The following PDZRN4 variants were observed in gnomAD, a reference collection of about 807,000 sequenced individuals.
PDZRN4 encodes PDZ domain containing ring finger 4.
In PDZRN4, 70 loss-of-function variants were observed where a neutral mutation model predicts 99.0. That is an observed-to-expected ratio of 0.71 (90% CI 0.58 to 0.86). The LOEUF (loss-of-function observed/expected upper bound fraction) is 0.86, where lower values mean the gene tolerates loss of function less well. PDZRN4 is among the 40% of genes least tolerant of loss of function. PDZRN4 has a pLI of 0.00. For missense variants in PDZRN4, 1,474 were observed against 1,331.2 expected (o/e 1.11, Z -1.67); for synonymous variants, 551 against 501.6 (o/e 1.10, Z -1.32).
chr12:41,459,444 A>G (rs982035371), intron 3 of PDZRN4, among the ~76,000 whole-genome samples: 4 of 152,206 alleles, frequency 2.6e-5, no homozygotes, highest in Non-Finnish European at 4.4e-5. Flanking sequence ...ATATAAATGA[A>G]CATTCAGAAA....
chr12:41,317,065 T>C lies in PDZRN4; in HGVS notation c.843+122877T>C, dbSNP rs1252978429. Among the ~76,000 whole-genome samples the C allele has an allele frequency of 3.8e-4, 54 of 141,500 alleles. 13 individuals are homozygous for C. The highest frequency in any genetic ancestry group is 1.2e-4 in the Non-Finnish European group (8 of 64,022). 92.8% of individuals were successfully genotyped at this position (141,500 alleles called of 152,430 possible). A position where few individuals can be genotyped will look rare whatever the true frequency, so the allele number is the denominator to read the frequency against. On this transcript the variant is annotated intron_variant, in intron 3 of 9. Transcript: ENST00000402685. ...TACATAAAGTATATATATATATATA[T>C]ATATATATAGTATATTTGTATATTA...
chr12:41,440,090 C>T (rs1418576868), intron 3 of PDZRN4, among the ~76,000 whole-genome samples: 2 of 152,078 alleles, frequency 1.3e-5, no homozygotes, highest in Non-Finnish European at 2.9e-5. Flanking sequence ...CACATAGCTT[C>T]CCCCATAAGA....
chr12:41,301,466 T>C (rs887912510), intron 3 of PDZRN4, among the ~76,000 whole-genome samples: 3 of 151,988 alleles, frequency 2.0e-5, no homozygotes, highest in Non-Finnish European at 2.9e-5. Flanking sequence ...TTACATAAGA[T>C]ATAAGGATAT....
At chr12:41,344,262 C>T (rs1951837573) in intron 3 of PDZRN4, among the ~76,000 whole-genome samples, 2 of 151,894 alleles carry the variant, frequency 1.3e-5, no homozygotes, top group Admixed American at 1.3e-4. Context: ...TACTGTTTTT[C>T]ATATTTCCTC....
At chr12:41,229,598 G>A (rs943156196) in intron 3 of PDZRN4, among the ~76,000 whole-genome samples, 1 of 152,016 alleles carries the variant, frequency 6.6e-6, no homozygotes, top group Non-Finnish European at 1.5e-5. Flanking sequence ...TTGCAGTTCT[G>A]GTATCTGCTT....
intron 7 of PDZRN4, among the ~76,000 whole-genome samples, chr12:41,562,393 C>A (rs1939284348): frequency 6.6e-6 from 1 of 152,084 alleles, no homozygotes; most frequent in Admixed American, 6.6e-5. Context: ...TAGTCTACTT[C>A]ATGCTTTTAA....
chr12:41,451,771 T>C (rs2120503250), intron 3 of PDZRN4, among the ~76,000 whole-genome samples: 1 of 152,306 alleles, frequency 6.6e-6, no homozygotes, highest in Non-Finnish European at 1.5e-5. Context: ...TCTGGTGTCC[T>C]GGAGCACAAC....
At chr12:41,220,429 A>C (rs1433593959) in intron 3 of PDZRN4, among the ~76,000 whole-genome samples, 1 of 152,132 alleles carries the variant, frequency 6.6e-6, no homozygotes, top group Non-Finnish European at 1.5e-5. Context: ...AAATGCAGTC[A>C]CATTTGGAGG....
intron 3 of PDZRN4, among the ~76,000 whole-genome samples, chr12:41,305,615 G>T (rs905581575): frequency 2.3e-4 from 35 of 151,952 alleles, no homozygotes; most frequent in Non-Finnish European, 3.8e-4. Context: ...ACCCCACCAT[G>T]GTCACTCCAT....
chr12:41,279,422 T>G (rs1951369592), intron 3 of PDZRN4, among the ~76,000 whole-genome samples: 1 of 152,204 alleles, frequency 6.6e-6, no homozygotes. Context: ...ATTTATGAAC[T>G]TAAATGAGAA....
chr12:41,301,350 T>C (rs986083425), intron 3 of PDZRN4, among the ~76,000 whole-genome samples: 1 of 152,098 alleles, frequency 6.6e-6, no homozygotes, highest in African/African-American at 2.4e-5. Context: ...CCCTTTGTTA[T>C]TCTGCAGAAC....
intron 3 of PDZRN4, among the ~76,000 whole-genome samples, chr12:41,244,666 TC>T (rs1321318976): frequency 8.6e-6 from 1 of 116,076 alleles, no homozygotes; most frequent in East Asian, 2.8e-4. Context: ...CACACCAATG[TC>T]TTTTTTTTTT....
At chr12:41,197,770 G>A (rs759375402) in intron 3 of PDZRN4, among the ~76,000 whole-genome samples, 9 of 152,136 alleles carry the variant, frequency 5.9e-5, no homozygotes, top group Admixed American at 6.6e-5. Flanking sequence ...CTGGAAGAAG[G>A]CATGACCATT....
At chr12:41,459,162 C>G (rs1375729980) in intron 3 of PDZRN4, among the ~76,000 whole-genome samples, 2 of 152,174 alleles carry the variant, frequency 1.3e-5, no homozygotes, top group Non-Finnish European at 2.9e-5. Flanking sequence ...AATGTCAGCA[C>G]ATTCCAGGTT....
At chr12:41,415,486 A>C (rs1952437177) in intron 3 of PDZRN4, among the ~76,000 whole-genome samples, 1 of 151,976 alleles carries the variant, frequency 6.6e-6, no homozygotes, top group African/African-American at 2.4e-5. Context: ...ATATAAATAA[A>C]AATTGAATGA....
intron 3 of PDZRN4, among the ~76,000 whole-genome samples, chr12:41,306,245 C>G (rs1219050702): frequency 2.0e-5 from 3 of 152,208 alleles, no homozygotes; most frequent in African/African-American, 7.2e-5. Context: ...CATGGCTCTG[C>G]TGGGCAGGGA....
At position 41,426,356 on chromosome 12, in the gene PDZRN4, A is replaced by G. The variant is rs113675214; in HGVS notation, c.844-80100A>G. 6.1e-3 allele frequency among the ~76,000 whole-genome samples: 931 copies of G among 152,264 alleles called. 13 individuals are homozygous for G. Among genetic ancestry groups the G allele is most frequent in the African/African-American group, 0.02 (835 of 41,538 alleles). ...CTAGTAAGAATTTACTCACCTTTAC[A>G]TCCCATAGGTAGGACATGTCTGGTA... On this transcript the variant is annotated intron_variant, in intron 3 of 9. Transcript: ENST00000402685.
At chr12:41,240,302 A>C (rs1489884090) in intron 3 of PDZRN4, among the ~76,000 whole-genome samples, 2 of 152,206 alleles carry the variant, frequency 1.3e-5, no homozygotes, top group African/African-American at 4.8e-5. Context: ...CAACGACATA[A>C]TGAGATTCAA....
chr12:41,393,354 G>C (rs1010227750), intron 3 of PDZRN4, among the ~76,000 whole-genome samples: 1 of 152,134 alleles, frequency 6.6e-6, no homozygotes, highest in East Asian at 1.9e-4. Flanking sequence ...TGCCGTGGCT[G>C]TGTGTAGCTG....
Sources: gnomAD v4.1 joint callset for allele counts (sites outside exome capture counted in the v4.1 genomes callset) on GRCh38, gnomAD v4.1.1 for gene constraint, MANE v1.5 for transcripts, NCBI Gene and HGNC (gene_info 2026-07-23, HGNC 2026-07-21) for gene names.